GPC6: variants seen among roughly 807,000 people sequenced by gnomAD.
GPC6 encodes the protein glypican 6.
GPC6 carries 14 observed loss-of-function variants against 55.2 expected under a neutral mutation model. That is an observed-to-expected ratio of 0.25 (90% CI 0.17 to 0.40). GPC6 has a LOEUF of 0.40. Ranked by LOEUF, GPC6 falls within the 10% of genes least tolerant of loss-of-function variation. The probability of loss-of-function intolerance (pLI) is 1.00; values close to 1 mark genes in which losing one functional copy is unlikely to be tolerated. For synonymous variants in GPC6, 278 were observed against 259.6 expected, an observed-to-expected ratio of 1.07 and a Z score of -0.68; for missense variants, 641 against 708.5, an observed-to-expected ratio of 0.90 and a Z score of 1.08.
At chr13:93,390,828 G>C (rs1006943527) in intron 1 of GPC6, among the ~76,000 whole-genome samples, 1 of 149,878 alleles carries the variant, frequency 6.7e-6, no homozygotes, top group African/African-American at 2.5e-5. Flanking sequence ...GGGGACATTG[G>C]TGTCTTAGTT....
chr13:93,997,270 C>T (rs917865355), intron 3 of GPC6, among the ~76,000 whole-genome samples: 2 of 151,982 alleles, frequency 1.3e-5, no homozygotes. Context: ...CTTTCACGTA[C>T]AAAAAAGCCT....
intron 1 of GPC6, among the ~76,000 whole-genome samples, chr13:93,372,174 A>T (rs1455625368): frequency 6.6e-6 from 1 of 152,120 alleles, no homozygotes; most frequent in Non-Finnish European, 1.5e-5. Flanking sequence ...TTTATAGTAG[A>T]TATGTGACTT....
At chr13:93,684,253 T>G (rs961835716) in intron 2 of GPC6, among the ~76,000 whole-genome samples, 2 of 152,140 alleles carry the variant, frequency 1.3e-5, no homozygotes, top group Admixed American at 6.6e-5. Context: ...TGGTGTAATC[T>G]TGGCTCACTG....
At chr13:93,300,569 AC>A (rs1878640641) in intron 1 of GPC6, among the ~76,000 whole-genome samples, 1 of 147,932 alleles carries the variant, frequency 6.8e-6, no homozygotes, top group Admixed American at 6.8e-5. Flanking sequence ...AATGGTGTGA[AC>A]CCGGGAGGCG....
intron 3 of GPC6, among the ~76,000 whole-genome samples, chr13:93,943,627 A>T (rs754795806): frequency 1.1e-4 from 16 of 152,176 alleles, no homozygotes; most frequent in Non-Finnish European, 1.9e-4. Flanking sequence ...TTTCAAAAAA[A>T]AAATCCAATG....
At chr13:93,778,758 T>C (rs925927241) in intron 2 of GPC6, among the ~76,000 whole-genome samples, 1 of 152,128 alleles carries the variant, frequency 6.6e-6, no homozygotes, top group African/African-American at 2.4e-5. Flanking sequence ...TCCAAGCAAA[T>C]GGCTTATTTG....
chr13:93,702,801 C>T (rs565827457), intron 2 of GPC6, among the ~76,000 whole-genome samples: 1 of 151,928 alleles, frequency 6.6e-6, no homozygotes, highest in Non-Finnish European at 1.5e-5. Context: ...GTGTAACCTC[C>T]TCACCTCTCT....
intron 4 of GPC6, among the ~76,000 whole-genome samples, chr13:94,097,455 G>C (rs191847596): frequency 0.025 from 3,761 of 148,544 alleles, 162 homozygotes; most frequent in African/African-American, 0.087. Context: ...TGCAGTGAGC[G>C]GAGATCGCGC....
At chr13:93,334,908 CTT>C (rs910587604) in intron 1 of GPC6, among the ~76,000 whole-genome samples, 6 of 152,124 alleles carry the variant, frequency 3.9e-5, no homozygotes, top group East Asian at 1.9e-4. Context: ...ATTTATGAGT[CTT>C]ATAATATTTT....
At chr13:93,514,137 T>C (rs1240723311) in intron 1 of GPC6, among the ~76,000 whole-genome samples, 1 of 152,058 alleles carries the variant, frequency 6.6e-6, no homozygotes, top group African/African-American at 2.4e-5. Context: ...CCTCCCGAAA[T>C]GCTGGGATTA....
At chr13:94,006,389 T>C (rs143460702) in intron 3 of GPC6, among the ~76,000 whole-genome samples, 50 of 152,278 alleles carry the variant, frequency 3.3e-4, no homozygotes, top group Non-Finnish European at 4.7e-4. Context: ...CCCACGCTGC[T>C]ACTCCTCAGA....
At chr13:93,899,493 G>C (rs1021758250) in intron 3 of GPC6, among the ~76,000 whole-genome samples, 2 of 151,854 alleles carry the variant, frequency 1.3e-5, no homozygotes, top group African/African-American at 4.8e-5. Context: ...CATTTGCAGT[G>C]AAACTTGAGT....
At chr13:94,052,113 C>T (rs1341641839) in intron 4 of GPC6, among the ~76,000 whole-genome samples, 1 of 152,110 alleles carries the variant, frequency 6.6e-6, no homozygotes, top group Non-Finnish European at 1.5e-5. Flanking sequence ...TCATGTTAAT[C>T]AGGCTGTAGT....
chr13:93,960,533 T>C (rs1193076617), intron 3 of GPC6, among the ~76,000 whole-genome samples: 1 of 151,940 alleles, frequency 6.6e-6, no homozygotes, highest in Non-Finnish European at 1.5e-5. Context: ...AGAGTTGGAG[T>C]AGGGGCAGGA....
intron 2 of GPC6, among the ~76,000 whole-genome samples, chr13:93,633,456 G>A (rs565311496): frequency 3.9e-5 from 6 of 152,076 alleles, no homozygotes; most frequent in Admixed American, 3.3e-4. Flanking sequence ...GACTAGCCTG[G>A]CCAACATGGT....
chr13:93,726,287 C>A (rs1391173279), intron 2 of GPC6, among the ~76,000 whole-genome samples: 1 of 151,990 alleles, frequency 6.6e-6, no homozygotes, highest in African/African-American at 2.4e-5. Context: ...CGGAGGTTCT[C>A]CCTGCTTCCT....
At chr13:94,351,291 C>G (rs1359766172) in intron 6 of GPC6, among the ~76,000 whole-genome samples, 1 of 151,998 alleles carries the variant, frequency 6.6e-6, no homozygotes, top group African/African-American at 2.4e-5. Context: ...GACAGAGAAC[C>G]ACGGTGATCC....
At chr13:93,744,528 C>CTTT (rs71736430) in intron 2 of GPC6, among the ~76,000 whole-genome samples, 4,180 of 96,820 alleles carry the variant, frequency 0.043, 907 homozygotes, top group East Asian at 0.23. Flanking sequence ...TTTCCCTAGT[C>CTTT]TTTTTTTTTT....
At chr13:93,869,866 A>AT (rs11389085) in intron 3 of GPC6, among the ~76,000 whole-genome samples, 5,821 of 151,776 alleles carry the variant, frequency 0.038, 350 homozygotes, top group African/African-American at 0.13. Flanking sequence ...AAATGAACAC[A>AT]TTTTTCCTGG....
Sources: allele counts gnomAD v4.1 joint callset (sites outside exome capture counted in the v4.1 genomes callset), GRCh38; gene constraint gnomAD v4.1.1; transcripts MANE v1.5; gene names NCBI Gene and HGNC (gene_info 2026-07-23, HGNC 2026-07-21).